The following CALN1 variants were observed in gnomAD, a reference collection of about 807,000 sequenced individuals.
The protein encoded by CALN1 is calneuron 1.
A neutral mutation model predicts 30.6 loss-of-function variants in CALN1; 17 were observed. The observed-to-expected ratio is 0.56, with a 90% CI of 0.38 to 0.83. CALN1 has a LOEUF of 0.83. Ranked by LOEUF, CALN1 falls within the 40% of genes least tolerant of loss-of-function variation. The pLI is 0.00. For synonymous variants in CALN1, 156 were observed against 131.4 expected, an observed-to-expected ratio of 1.19 and a Z score of -1.28; for missense variants, 291 against 354.9, an observed-to-expected ratio of 0.82 and a Z score of 1.45.
intron 3 of CALN1, among the ~76,000 whole-genome samples, chr7:72,185,214 T>G (rs747112205): frequency 7.2e-5 from 11 of 152,038 alleles, no homozygotes; most frequent in African/African-American, 2.7e-4. Context: ...GCGTAGAAAA[T>G]GTACATGGGA....
chr7:72,097,014 A>G (rs1465968549), intron 4 of CALN1, among the ~76,000 whole-genome samples: 2 of 152,184 alleles, frequency 1.3e-5, no homozygotes, highest in South Asian at 2.1e-4. Context: ...TCGTAGGGAC[A>G]TGGATGAAGC....
Position 72,246,637 on chromosome 7 carries a change from GA to G in CALN1, c.244+32048del, listed in dbSNP as rs1445912374. On this transcript the variant is annotated intron_variant, in intron 3 of 6. Coordinates refer to ENST00000395275, the MANE Select transcript of CALN1 (RefSeq NM_031468.4). The stretch of plus-strand genomic sequence containing the variant: ...ACTAAATGCCTCAAAGTGGACAGGA[GA>G]AAAAAAGACATAGAAATAAGGACAC... 2.6e-5 allele frequency among the ~76,000 whole-genome samples: 4 copies of G among 151,900 alleles called. 1 individual carries two copies. In the South Asian group the frequency reaches 6.2e-4, roughly 24 times the overall value.
At chr7:72,151,594 T>C (rs1355589408) in intron 3 of CALN1, among the ~76,000 whole-genome samples, 1 of 152,154 alleles carries the variant, frequency 6.6e-6, no homozygotes, top group East Asian at 1.9e-4. Context: ...TGGGGGACCC[T>C]TTCCAATGCG....
At chr7:72,101,031 T>A (rs1408186208) in intron 4 of CALN1, among the ~76,000 whole-genome samples, 1 of 151,864 alleles carries the variant, frequency 6.6e-6, no homozygotes, top group Non-Finnish European at 1.5e-5. Context: ...TGGCGTGATC[T>A]CAGCTTACTG....
At chr7:71,954,926 T>G (rs1421658894) in intron 5 of CALN1, among the ~76,000 whole-genome samples, 1 of 152,194 alleles carries the variant, frequency 6.6e-6, no homozygotes, top group Non-Finnish European at 1.5e-5. Flanking sequence ...TCTTCTTATT[T>G]ATTTTACCCA....
intron 5 of CALN1, among the ~76,000 whole-genome samples, chr7:71,937,252 G>A (rs777165839): frequency 2.0e-5 from 3 of 152,024 alleles, no homozygotes; most frequent in African/African-American, 4.8e-5. Flanking sequence ...AGAGGTTGCA[G>A]TGAGCTGAGA....
chr7:72,139,021 C>A (rs1007500423), intron 3 of CALN1, among the ~76,000 whole-genome samples: 7 of 152,196 alleles, frequency 4.6e-5, no homozygotes. Flanking sequence ...TGACTCCTTC[C>A]CTTCTTGTTG....
chr7:72,276,629 C>T (rs1156536042), intron 3 of CALN1, among the ~76,000 whole-genome samples: 2 of 151,818 alleles, frequency 1.3e-5, no homozygotes, highest in African/African-American at 2.4e-5. Flanking sequence ...GTCATTATCT[C>T]GGGGGGAGTT....
intron 2 of CALN1, among the ~76,000 whole-genome samples, chr7:72,282,613 C>T (rs1301477838): frequency 6.6e-6 from 1 of 152,208 alleles, no homozygotes; most frequent in East Asian, 1.9e-4. Flanking sequence ...AAGCAGAGAG[C>T]AGCTCTCACC....
chr7:72,397,211 C>CA (rs1165013638), intron 2 of CALN1, among the ~76,000 whole-genome samples: 2 of 152,100 alleles, frequency 1.3e-5, no homozygotes, highest in Non-Finnish European at 2.9e-5. Context: ...ATACTCAACC[C>CA]ATGTAGGATT....
chr7:72,014,214 G>A (rs546588294), intron 5 of CALN1, among the ~76,000 whole-genome samples: 1 of 151,824 alleles, frequency 6.6e-6, no homozygotes. Flanking sequence ...AGCCTCCCAG[G>A]TAGCTGGGAC....
chr7:72,471,263 A>G, the CALN1 span, among the ~76,000 whole-genome samples: 2 of 152,176 alleles, frequency 1.3e-5, no homozygotes, highest in African/African-American at 4.8e-5. Flanking sequence ...ATTCCTTTTC[A>G]TGAGGCATTT....
At chr7:72,218,174 C>A (rs145051133) in intron 3 of CALN1, among the ~76,000 whole-genome samples, 1 of 151,660 alleles carries the variant, frequency 6.6e-6, no homozygotes, top group African/African-American at 2.4e-5. Context: ...GCAGGCCAGG[C>A]GCAGTGGCTC....
chr7:71,837,029 C>T (rs998652245), intron 5 of CALN1, among the ~76,000 whole-genome samples: 2 of 151,344 alleles, frequency 1.3e-5, no homozygotes, highest in African/African-American at 2.4e-5. Context: ...GTCAGGAGTT[C>T]GAGTTCCGCC....
At chr7:72,339,657 G>T (rs931136262) in intron 2 of CALN1, among the ~76,000 whole-genome samples, 3 of 152,216 alleles carry the variant, frequency 2.0e-5, no homozygotes, top group African/African-American at 7.2e-5. Context: ...AAGGAAAGAG[G>T]TTTAATGGAC....
At chr7:72,093,810 T>C (rs1806034557) in intron 4 of CALN1, among the ~76,000 whole-genome samples, 2 of 152,232 alleles carry the variant, frequency 1.3e-5, no homozygotes, top group African/African-American at 4.8e-5. Flanking sequence ...CTGTGTGCTC[T>C]GTAGAATTAT....
chr7:72,494,625 C>G, the CALN1 span, among the ~76,000 whole-genome samples: 1 of 152,120 alleles, frequency 6.6e-6, no homozygotes, highest in Non-Finnish European at 1.5e-5. Context: ...GCCTGTAGCC[C>G]CAGCACCGTG....
At chr7:71,947,098 A>C (rs36028741) in intron 5 of CALN1, among the ~76,000 whole-genome samples, 23,092 of 151,526 alleles carry the variant, frequency 0.15, 2,210 homozygotes, top group Non-Finnish European at 0.23. Context: ...GCAACCTCTG[A>C]CTCCCAGGTT....
chr7:71,982,741 G>T (rs1798465945), intron 5 of CALN1, among the ~76,000 whole-genome samples: 1 of 152,194 alleles, frequency 6.6e-6, no homozygotes, highest in South Asian at 2.1e-4. Context: ...CCTCAGTAAA[G>T]TCTTCCTTTC....
Sources: allele counts gnomAD v4.1 joint callset (sites outside exome capture counted in the v4.1 genomes callset), GRCh38; gene constraint gnomAD v4.1.1; transcripts MANE v1.5; gene names NCBI Gene and HGNC (gene_info 2026-07-23, HGNC 2026-07-21).